Variants in ANK2 observed in about 807,000 individuals in gnomAD.
The protein encoded by ANK2 is ankyrin 2, also known as ankyrin-2.
Under a neutral mutation model 360.5 loss-of-function variants are expected in ANK2, and 83 were observed. That is an observed-to-expected ratio of 0.23 (90% confidence interval 0.19 to 0.28). The LOEUF (loss-of-function observed/expected upper bound fraction) is 0.28. Among genes scored for constraint, ANK2 ranks in the 10% least tolerant of loss-of-function variants. The pLI is 1.00. For missense variants in ANK2, 4,201 were observed against 4,795.7 expected, an observed-to-expected ratio of 0.88 and a Z score of 3.66; for synonymous variants, 1,740 against 1,759.5, an observed-to-expected ratio of 0.99 and a Z score of 0.28.
chr4:113,175,208 A>C (rs1223923817), intron 2 of ANK2, among the ~76,000 whole-genome samples: 1 of 152,160 alleles, frequency 6.6e-6, no homozygotes, highest in Non-Finnish European at 1.5e-5. Context: ...TAGGAAGTGA[A>C]TAATTCTGGC....
In ANK2 at chr4:113,056,740, G is replaced by A. The variant is rs899791115; in HGVS notation, c.84+6928G>A. 3.3e-5 allele frequency among the ~76,000 whole-genome samples: 5 copies of A among 152,094 alleles called. No individual in the cohort carries two copies. The East Asian group carries it at 5.8e-4, about 18-fold the overall frequency. On this transcript the variant is annotated intron_variant, in intron 1 of 45. Coordinates refer to ENST00000357077, the MANE Select transcript of ANK2 (RefSeq NM_001148.6). ...GAAATTCATGCCTACATCCCAACCC[G>A]TAGGGAGGGTCATTTTTAAAAAGCT...
In ANK2 at chr4:113,355,863, C is replaced by T. The variant is rs762603334; in HGVS notation, c.7245C>T (p.Ser2415=). Residue 2415 remains serine, a synonymous_variant, in exon 38 of 46, where the codon AGC becomes AGT. Transcript: ENST00000357077. ...AAGGGTTAGAACTTGCACTCCCTAG[C>T]CGAGATAGCGAAGTCCTCAGCGCTG... is the stretch of plus-strand genomic sequence containing the variant. ...SPQGLELALP[S]RDSEVLSAVA... 18 of 1,613,914 alleles carry T rather than the reference C, an allele frequency of 1.1e-5. No individual in the cohort carries two copies. In the East Asian group the frequency reaches 3.8e-4, roughly 34 times the overall value.
At chr4:112,818,460 T>C (rs2055990686) in intron 1 of ANK2, among the ~76,000 whole-genome samples, 1 of 152,212 alleles carries the variant, frequency 6.6e-6, no homozygotes, top group Non-Finnish European at 1.5e-5. Flanking sequence ...TTTTGGTTTG[T>C]TCTCCATGTG....
intron 1 of ANK2, among the ~76,000 whole-genome samples, chr4:113,118,656 T>G (rs1383959859): frequency 6.6e-6 from 1 of 152,206 alleles, no homozygotes; most frequent in Non-Finnish European, 1.5e-5. Context: ...GTCTGACCTT[T>G]AAAAGGCCGT....
the ANK2 span, among the ~76,000 whole-genome samples, chr4:112,779,241 G>C: frequency 6.6e-6 from 1 of 152,150 alleles, no homozygotes; most frequent in Non-Finnish European, 1.5e-5. Flanking sequence ...CACTTTGGCC[G>C]GGTGCGGTGG....
chr4:112,850,502 G>GTTTTT (rs1211226104), intron 1 of ANK2, among the ~76,000 whole-genome samples: 1 of 16,430 alleles, frequency 6.1e-5, no homozygotes, highest in Non-Finnish European at 1.1e-4. Flanking sequence ...TCCTGTGCTA[G>GTTTTT]TCTTTTTTTT....
chr4:113,218,856 A>G (rs551795306), intron 4 of ANK2, among the ~76,000 whole-genome samples: 9 of 152,294 alleles, frequency 5.9e-5, no homozygotes, highest in African/African-American at 2.2e-4. Context: ...TATTTTTATT[A>G]TATTGAATCA....
chr4:113,231,056 T>C (rs1425360404), intron 4 of ANK2, among the ~76,000 whole-genome samples: 5 of 151,250 alleles, frequency 3.3e-5, no homozygotes, highest in East Asian at 1.9e-4. Context: ...TTTTTTTTTT[T>C]TTTCTTTTTT....
intron 31 of ANK2, among the ~76,000 whole-genome samples, chr4:113,338,392 A>T (rs201281324): frequency 1.3e-5 from 2 of 151,882 alleles, no homozygotes; most frequent in East Asian, 3.9e-4. Flanking sequence ...ATATTCATTT[A>T]TTTTTTCATT....
chr4:112,894,881 A>C (rs2081272862), intron 1 of ANK2, among the ~76,000 whole-genome samples: 1 of 152,218 alleles, frequency 6.6e-6, no homozygotes, highest in South Asian at 2.1e-4. Flanking sequence ...CAAGATCTGA[A>C]AGCCAGATTT....
chr4:113,231,764 C>G (rs112321081), intron 4 of ANK2, among the ~76,000 whole-genome samples: 1 of 151,826 alleles, frequency 6.6e-6, no homozygotes, highest in African/African-American at 2.4e-5. Context: ...CCACCACGCC[C>G]GGCTAATTTT....
At chr4:112,890,001 C>T (rs1326213130) in intron 1 of ANK2, among the ~76,000 whole-genome samples, 4 of 152,102 alleles carry the variant, frequency 2.6e-5, no homozygotes, top group Non-Finnish European at 5.9e-5. Context: ...AGCATTTTGC[C>T]TCATTAATGT....
At chr4:113,151,377 G>A (rs1310748773) in intron 1 of ANK2, among the ~76,000 whole-genome samples, 1 of 152,130 alleles carries the variant, frequency 6.6e-6, no homozygotes. Flanking sequence ...TTTTGGTGAG[G>A]GCTTCAGGAA....
At chr4:113,270,910 T>C (rs1266606934) in intron 14 of ANK2, among the ~76,000 whole-genome samples, 2 of 152,198 alleles carry the variant, frequency 1.3e-5, no homozygotes, top group African/African-American at 4.8e-5. Flanking sequence ...CCTTTTAATG[T>C]GTTCCTGGGC....
chr4:112,859,912 G>T (rs114984946), intron 1 of ANK2, among the ~76,000 whole-genome samples: 8,430 of 152,252 alleles, frequency 0.055, 387 homozygotes, highest in African/African-American at 0.12. Flanking sequence ...GATGTTTGTT[G>T]GCTTTCTAAC....
intron 43 of ANK2, chr4:113,372,445 C>A: frequency 2.4e-6 from 2 of 818,642 alleles, no homozygotes; most frequent in South Asian, 1.7e-5. Context: ...ATAAAAGTTT[C>A]ACAATACAAT....
intron 2 of ANK2, among the ~76,000 whole-genome samples, chr4:112,966,745 T>A (rs1290959776): frequency 6.6e-6 from 1 of 152,238 alleles, no homozygotes; most frequent in Non-Finnish European, 1.5e-5. Context: ...TAAGCCTTTT[T>A]AAAACCTATT....
At chr4:112,752,530 C>G in the ANK2 span, among the ~76,000 whole-genome samples, 1 of 150,124 alleles carries the variant, frequency 6.7e-6, no homozygotes, top group Non-Finnish European at 1.5e-5. Context: ...CACATGCCAC[C>G]AGGCCTGGCT....
At chr4:112,852,967 G>C (rs79734175) in intron 1 of ANK2, among the ~76,000 whole-genome samples, 2,726 of 152,276 alleles carry the variant, frequency 0.018, 90 homozygotes, top group African/African-American at 0.06. Flanking sequence ...TGTTGTTATT[G>C]TTGTTTTGGA....
Sources: gnomAD v4.1 joint callset for allele counts (sites outside exome capture counted in the v4.1 genomes callset) on GRCh38, gnomAD v4.1.1 for gene constraint, MANE v1.5 for transcripts, NCBI Gene and HGNC (gene_info 2026-07-23, HGNC 2026-07-21) for gene names.